TEX19: variants seen among roughly 807,000 people sequenced by gnomAD.
TEX19 encodes testis-expressed protein 19.
For synonymous variants in TEX19, 77 were observed against 73.9 expected, an observed-to-expected ratio of 1.04 and a Z score of -0.21; for missense variants, 184 against 194.4, an observed-to-expected ratio of 0.95 and a Z score of 0.32.
At chr17:82,359,856 GTTCCCCCAGT>G (rs2052366371) in intron 1 of TEX19, among the ~76,000 whole-genome samples, 2 of 90,114 alleles carry the variant, frequency 2.2e-5, no homozygotes, top group Non-Finnish European at 2.1e-5. Flanking sequence ...TTCCCCTCAG[GTTCCCCCAGT>G]TTCCCTCAAG....
intron 1 of TEX19, among the ~76,000 whole-genome samples, 160 bp downstream of exon 1, chr17:82,359,445 A>T (rs1056544740): frequency 7.9e-6 from 1 of 126,190 alleles, no homozygotes; most frequent in Non-Finnish European, 1.7e-5. Context: ...AAGGTTCTCC[A>T]AGTTCCCTCA....
chr17:82,360,572 C>G (rs2052378699), intron 1 of TEX19, among the ~76,000 whole-genome samples: 1 of 102,952 alleles, frequency 9.7e-6, no homozygotes, highest in Non-Finnish European at 1.9e-5. Flanking sequence ...AAGTTTCCCT[C>G]AGGTTCCCCC....
chr17:82,362,480 G>A lies in TEX19; in HGVS notation c.330G>A (p.Leu110=), dbSNP rs761278419. ...PGTLAAAPEG[L]EDAGLDPHFV... is the part of the protein sequence containing the mutation. The stretch of plus-strand genomic sequence containing the variant: ...CCCTGGCAGCAGCCCCAGAAGGGTT[G>A]GAAGATGCAGGTCTGGACCCCCACT... The change falls in exon 2 of 2, where the codon TTG becomes TTA. Residue 110 remains leucine, a synonymous_variant. Transcript: ENST00000333437. This position sits in a 1 kb window ranked among gnomAD's most constrained non-coding sequence, Gnocchi z 5.5. 5 of 1,612,850 alleles carry A rather than the reference G, an allele frequency of 3.1e-6. No individual in the cohort carries two copies. Among genetic ancestry groups the A allele is most frequent in the Non-Finnish European group, 3.4e-6 (4 of 1,179,912 alleles).
rs1000392760 is a variant in TEX19 at position 82,361,968 on chromosome 17, C to T, written c.-183C>T. 5 of 853,962 alleles carry T rather than the reference C, an allele frequency of 5.9e-6. No homozygotes were observed. The highest frequency in any genetic ancestry group is 8.8e-6 in the Non-Finnish European group (5 of 571,116). 52.9% of individuals were successfully genotyped at this position (853,962 alleles called of 1,614,324 possible). Reference sequence around the variant, plus strand: ...TCTGCAGGTCCCCACTGAGCTGGGACCCAGGTCATCCACCCCACCCCAAAT... The same window carrying T: ...TCTGCAGGTCCCCACTGAGCTGGGATCCAGGTCATCCACCCCACCCCAAAT... On this transcript the variant is annotated 5_prime_UTR_variant, in exon 2 of 2. Transcript: ENST00000333437.
In TEX19 at chr17:82,362,376, T is replaced by A. The variant is rs1459153804; in HGVS notation, c.226T>A (p.Ser76Thr). The A allele has an allele frequency of 6.2e-7, 1 of 1,613,028 alleles. No individual in the cohort carries two copies. The highest frequency in any genetic ancestry group is 1.7e-5 in the Admixed American group (1 of 60,004). The change falls in exon 2 of 2, where the codon TCC (serine) becomes ACC (threonine). Residue 76 changes from serine (S) to threonine (T), a missense_variant. Physicochemically the swap from Ser to Thr is moderately conservative, Grantham distance 58. Coordinates refer to ENST00000333437, the MANE Select transcript of TEX19 (RefSeq NM_207459.4). This position sits in a 1 kb window ranked among gnomAD's most constrained non-coding sequence, Gnocchi z 5.5. ...HTEAESEQEG[S>T]SGMELSWGQS... Reference sequence around the variant, plus strand: ...TGAGGCAGAGTCAGAGCAGGAGGGGTCCTCAGGGATGGAGCTGAGCTGGGG... The same window carrying A: ...TGAGGCAGAGTCAGAGCAGGAGGGGACCTCAGGGATGGAGCTGAGCTGGGG...
At chr17:82,360,054 C>CT (rs2052370366) in intron 1 of TEX19, among the ~76,000 whole-genome samples, 1 of 123,568 alleles carries the variant, frequency 8.1e-6, no homozygotes, top group African/African-American at 3.4e-5. Context: ...CCCAGGTTCC[C>CT]CCAGTTTCCC....
chr17:82,359,514 C>T (rs1599667241), intron 1 of TEX19, among the ~76,000 whole-genome samples: 1 of 107,854 alleles, frequency 9.3e-6, no homozygotes, highest in Admixed American at 1.0e-4. Flanking sequence ...CTCAGTTTCC[C>T]TCAGGTTCCC....
chr17:82,359,547 A>AG (rs1397277143), intron 1 of TEX19, among the ~76,000 whole-genome samples: 21 of 109,986 alleles, frequency 1.9e-4, no homozygotes, highest in African/African-American at 7.4e-4. Flanking sequence ...AGGTTCCCTC[A>AG]GTTTCCCTCA....
At chr17:82,361,103 C>T (rs372622782) in intron 1 of TEX19, among the ~76,000 whole-genome samples, 15 of 149,382 alleles carry the variant, frequency 1.0e-4, no homozygotes, top group Middle Eastern at 7.1e-3. Context: ...CCTCAAGTTG[C>T]CTCAGTTTCC....
At position 82,362,381 on chromosome 17, in the gene TEX19, A is replaced by G; in HGVS notation, c.231A>G (p.Ser77=). 6.2e-7 allele frequency: 1 copy of G among 1,613,376 alleles called. No individual in the cohort carries two copies. The highest frequency in any genetic ancestry group is 8.5e-7 in the Non-Finnish European group (1 of 1,180,002). ...CAGAGTCAGAGCAGGAGGGGTCCTC[A>G]GGGATGGAGCTGAGCTGGGGGCAGA... The part of the protein sequence containing the change: ...TEAESEQEGS[S]GMELSWGQSP... The change falls in exon 2 of 2, where the codon TCA becomes TCG. Residue 77 remains serine, a synonymous_variant. Coordinates refer to ENST00000333437, the MANE Select transcript of TEX19 (RefSeq NM_207459.4). This position sits in a 1 kb window ranked among gnomAD's most constrained non-coding sequence, Gnocchi z 5.5.
intron 1 of TEX19, among the ~76,000 whole-genome samples, chr17:82,359,703 T>A (rs1264539102): frequency 8.0e-6 from 1 of 124,722 alleles, no homozygotes. Context: ...TTTCCCTCAG[T>A]TTCCCCCAGT....
intron 1 of TEX19, among the ~76,000 whole-genome samples, chr17:82,360,009 T>TTTCCCTCAGG (rs1336275456): frequency 1.2e-4 from 16 of 135,508 alleles, no homozygotes; most frequent in Non-Finnish European, 1.7e-4. Context: ...GTTCCCCCAG[T>TTTCCCTCAGG]TTCCCTCAGG....
chr17:82,360,571 T>C (rs1211674437), intron 1 of TEX19, among the ~76,000 whole-genome samples: 1 of 58,810 alleles, frequency 1.7e-5, no homozygotes, highest in Non-Finnish European at 3.0e-5. Flanking sequence ...CAAGTTTCCC[T>C]CAGGTTCCCC....
intron 1 of TEX19, 55 bp from the exon 2 acceptor site, chr17:82,361,825 T>C: frequency 2.8e-6 from 3 of 1,090,448 alleles, no homozygotes; most frequent in Non-Finnish European, 2.3e-6. Context: ...TCCCCACAGT[T>C]TGCCCCCACC....
intron 1 of TEX19, among the ~76,000 whole-genome samples, chr17:82,359,497 A>T (rs1715212307): frequency 7.7e-6 from 1 of 129,888 alleles, no homozygotes; most frequent in Non-Finnish European, 1.6e-5. Context: ...GTTTCCCTCA[A>T]GTTTCCCTCA....
At position 82,362,717 on chromosome 17, in the gene TEX19, G is replaced by T; in HGVS notation, c.*72G>T. The T allele has an allele frequency of 6.7e-7, 1 of 1,503,728 alleles. No homozygotes were observed. The highest frequency in any genetic ancestry group is 2.3e-5 in the East Asian group (1 of 43,582). The allele number at this position is 1,503,728 out of a possible 1,614,324, so 93.1% of individuals were successfully genotyped here. ...TGAAGCTGGGCATTACCTGGGCAGT[G>T]GACCCTGCCGAGGCTGAGGCCTAGT... is the stretch of plus-strand genomic sequence containing the variant. On this transcript the variant is annotated 3_prime_UTR_variant, in exon 2 of 2. Transcript: ENST00000333437. This position sits in a 1 kb window ranked among gnomAD's most constrained non-coding sequence, Gnocchi z 5.5.
chr17:82,359,907 GTTCCCCCAGTTTCCCTCAGT>G (rs1276905088), intron 1 of TEX19, among the ~76,000 whole-genome samples: 14 of 86,062 alleles, frequency 1.6e-4, no homozygotes, highest in African/African-American at 6.4e-4. Flanking sequence ...TTTCCCTCAG[GTTCCCCCAGTTTCCCTCAGT>G]TTCCCTCAAG....
rs1245990387 is a variant in TEX19 at position 82,362,168 on chromosome 17, C to G, written c.18C>G (p.Ser6Arg). ...GCCTGGCCATGTGCCCTCCGGTCAG[C>G]ATGCGGTATGAGGAAGAGGGCATGT... Reference protein sequence around the residue: MCPPVSMRYEEEGMSY... With the variant: MCPPVRMRYEEEGMSY... The change falls in exon 2 of 2, where the codon AGC (serine) becomes AGG (arginine). Residue 6 changes from serine (S) to arginine (R), a missense_variant. Coordinates refer to ENST00000333437, the MANE Select transcript of TEX19 (RefSeq NM_207459.4). This position sits in a 1 kb window ranked among gnomAD's most constrained non-coding sequence, Gnocchi z 5.5. 6.2e-7 allele frequency: 1 copy of G among 1,610,216 alleles called. No homozygotes were observed. The highest frequency in any genetic ancestry group is 2.2e-5 in the East Asian group (1 of 44,878).
chr17:82,361,666 G>C, intron 1 of TEX19: 1 of 985,394 alleles, frequency 1.0e-6, no homozygotes, highest in East Asian at 1.1e-4. Flanking sequence ...CTGATGGGCT[G>C]TTGGGGTCCC....
Sources: allele counts gnomAD v4.1 joint callset (sites outside exome capture counted in the v4.1 genomes callset), GRCh38; gene constraint gnomAD v4.1.1; non-coding constraint Gnocchi (gnomAD v3.1); transcripts MANE v1.5; gene names NCBI Gene and HGNC (gene_info 2026-07-23, HGNC 2026-07-21).